ROPN1L: variants seen among roughly 807,000 people sequenced by gnomAD.
ROPN1L encodes rhophilin associated tail protein 1 like.
Under a neutral mutation model 22.7 loss-of-function variants are expected in ROPN1L, and 23 were observed. The observed-to-expected ratio is 1.01, with a 90% CI of 0.73 to 1.43. The LOEUF (loss-of-function observed/expected upper bound fraction) is 1.43, where lower values mean the gene tolerates loss of function less well. Among genes scored for constraint, ROPN1L ranks in the 40% most tolerant of loss-of-function variants. The pLI, the probability that ROPN1L is intolerant of heterozygous loss-of-function variation, is 0.00. For missense variants in ROPN1L, 271 were observed against 291.5 expected (o/e 0.93, Z 0.51); for synonymous variants, 116 against 117.8 (o/e 0.98, Z 0.10).
In ROPN1L at chr5:10,461,250, C is replaced by A; in HGVS notation, c.484C>A (p.Arg162Ser). The change falls in exon 4 of 5, where the codon CGC becomes AGC. Residue 162 changes from arginine (R) to serine (S), a missense_variant. By Grantham distance (110) the Arg-to-Ser change is moderately radical (BLOSUM62 -1). Transcript: ENST00000274134. Reference protein sequence around the residue: ...LTDDPEGGPARIPFKTFSYVY... With the variant: ...LTDDPEGGPASIPFKTFSYVY... ...GGACGATCCGGAGGGCGGGCCCGCT[C>A]GCATCCCCTTCAAGACGTTTTCCTA... 1 of 1,614,140 alleles carries A rather than the reference C, an allele frequency of 6.2e-7. No individual in the cohort carries two copies. The highest frequency in any genetic ancestry group is 8.5e-7 in the Non-Finnish European group (1 of 1,180,032).
At chr5:10,461,422 T>C in intron 4 of ROPN1L, 63 bp downstream of exon 4, 1 of 1,451,314 alleles carries the variant, frequency 6.9e-7, no homozygotes, top group Non-Finnish European at 9.6e-7. Flanking sequence ...CTGTTTCACT[T>C]CCCCCTTGTA....
intron 3 of ROPN1L, among the ~76,000 whole-genome samples, chr5:10,453,718 T>C (rs1463650203): frequency 1.3e-5 from 2 of 152,208 alleles, no homozygotes; most frequent in African/African-American, 2.4e-5. Context: ...TTATTTATCT[T>C]AGAAATCACT....
In ROPN1L at chr5:10,450,118, G is replaced by A. The variant is rs1741208479; in HGVS notation, c.417+5G>A. On this transcript the variant is annotated splice_donor_5th_base_variant and intron_variant, in intron 3 of 4. Transcript: ENST00000274134. ...GGATGCAGCATGCTTGGTGGGGTATGTACCTATAAACAGCATATTAATAAT... is the reference window on the plus strand; with the variant it reads ...GGATGCAGCATGCTTGGTGGGGTATATACCTATAAACAGCATATTAATAAT... The A allele has an allele frequency of 6.2e-7, 1 of 1,605,294 alleles. No individual in the cohort carries two copies. The highest frequency in any genetic ancestry group is 1.1e-5 in the South Asian group (1 of 89,760).
intron 4 of ROPN1L, among the ~76,000 whole-genome samples, chr5:10,461,711 G>C (rs116025693): frequency 6.6e-6 from 1 of 152,308 alleles, no homozygotes; most frequent in African/African-American, 2.4e-5. Flanking sequence ...GCTTCTGACC[G>C]ACTGGCTCTA....
Position 10,464,916 on chromosome 5 carries a change from G to A in ROPN1L, c.662G>A (p.Ser221Asn), listed in dbSNP as rs1219713472. ...TTTCCAAAGAGGAAACTTTTAGAAA[G>A]CATTGAAAACTCTGAAGATGTAGGC... ...FFFPKRKLLE[S>N]IENSEDVGH The change falls in exon 5 of 5, where the codon AGC becomes AAC. Residue 221 changes from serine (S) to asparagine (N), a missense_variant. By Grantham distance (46) the Ser-to-Asn change is conservative. Transcript: ENST00000274134. The A allele has an allele frequency of 6.2e-7, 1 of 1,606,176 alleles. No individual in the cohort carries two copies. The highest frequency in any genetic ancestry group is 8.5e-7 in the Non-Finnish European group (1 of 1,176,308).
At chr5:10,456,775 G>T (rs1397897442) in intron 3 of ROPN1L, among the ~76,000 whole-genome samples, 1 of 152,174 alleles carries the variant, frequency 6.6e-6, no homozygotes, top group African/African-American at 2.4e-5. Flanking sequence ...ACGTTGACAT[G>T]GGTAGTGTCA....
chr5:10,474,368 G>A (rs1171470382), downstream of ROPN1L, among the ~76,000 whole-genome samples: 4 of 152,118 alleles, frequency 2.6e-5, no homozygotes, highest in Non-Finnish European at 4.4e-5. Context: ...CTCGATTGTG[G>A]TCTGTGACAT....
downstream of ROPN1L, among the ~76,000 whole-genome samples, chr5:10,476,503 A>G (rs1264208000): frequency 1.3e-5 from 2 of 152,204 alleles, no homozygotes; most frequent in Non-Finnish European, 2.9e-5. Flanking sequence ...TCTCCAATAT[A>G]ACAAATTACA....
At chr5:10,453,402 C>A (rs1344059634) in intron 3 of ROPN1L, among the ~76,000 whole-genome samples, 1 of 151,982 alleles carries the variant, frequency 6.6e-6, no homozygotes, top group Non-Finnish European at 1.5e-5. Flanking sequence ...CCTTGTTGGC[C>A]CTGGGTGGCT....
At chr5:10,469,401 A>G (rs1003889880), downstream of ROPN1L, among the ~76,000 whole-genome samples, 9 of 151,048 alleles carry the variant, frequency 6.0e-5, no homozygotes, top group African/African-American at 2.2e-4. Flanking sequence ...GTGGGAGGAT[A>G]GCTTGAGCCC....
At chr5:10,454,499 T>G (rs929254596) in intron 3 of ROPN1L, among the ~76,000 whole-genome samples, 2 of 152,224 alleles carry the variant, frequency 1.3e-5, no homozygotes, top group African/African-American at 4.8e-5. Flanking sequence ...TGTTTTGTTT[T>G]GTCTTTTAAG....
intron 4 of ROPN1L, 117 bp downstream of exon 4, chr5:10,461,476 A>C: frequency 3.5e-6 from 3 of 864,512 alleles, no homozygotes; most frequent in Non-Finnish European, 5.5e-6. Flanking sequence ...CACAACAATA[A>C]TCAACACAGA....
At chr5:10,464,806 T>A in intron 4 of ROPN1L, 42 bp from the exon 5 acceptor site, 1 of 1,214,516 alleles carries the variant, frequency 8.2e-7, no homozygotes, top group Non-Finnish European at 1.2e-6. Context: ...AAGTATATGA[T>A]GAGAAATTAC....
downstream of ROPN1L, among the ~76,000 whole-genome samples, chr5:10,468,376 C>T (rs1030453202): frequency 3.3e-5 from 5 of 152,252 alleles, no homozygotes; most frequent in Admixed American, 2.0e-4. Flanking sequence ...ATTCCTAATC[C>T]CAGAATACTC....
At chr5:10,465,473 CCACTG>C (rs1735137259), downstream of ROPN1L, among the ~76,000 whole-genome samples, 1 of 151,512 alleles carries the variant, frequency 6.6e-6, no homozygotes, top group Non-Finnish European at 1.5e-5. Flanking sequence ...CGAGATCGCG[CCACTG>C]CACTCCAGCC....
rs1735026618 is a variant in ROPN1L, at chr5:10,461,369, C to T, written c.593+10C>T. 1 of 1,609,248 alleles carries T rather than the reference C, an allele frequency of 6.2e-7. No individual in the cohort carries two copies. On this transcript the variant is annotated intron_variant, in intron 4 of 4. Coordinates refer to ENST00000274134, the MANE Select transcript of ROPN1L (RefSeq NM_031916.5). ...CTCTAAAGGAAAATATGTAAGTATGCACCCTCTCTAGGATTCAGGTATGTT... is the reference window on the plus strand; with the variant it reads ...CTCTAAAGGAAAATATGTAAGTATGTACCCTCTCTAGGATTCAGGTATGTT...
downstream of ROPN1L, among the ~76,000 whole-genome samples, chr5:10,469,320 TAAAA>T (rs35356895): frequency 1.4e-5 from 2 of 139,536 alleles, no homozygotes; most frequent in Non-Finnish European, 1.5e-5. Context: ...ACAAAAAAAT[TAAAA>T]AAAAAAAAAA....
At chr5:10,463,937 C>T (rs2673894) in intron 4 of ROPN1L, among the ~76,000 whole-genome samples, 29,293 of 152,084 alleles carry the variant, frequency 0.19, 4,003 homozygotes, top group East Asian at 0.66. Flanking sequence ...CACCCAGAGT[C>T]TTGTCCCCTC....
chr5:10,450,563 A>G (rs1181694584), intron 3 of ROPN1L, among the ~76,000 whole-genome samples: 2 of 152,104 alleles, frequency 1.3e-5, no homozygotes, highest in Non-Finnish European at 2.9e-5. Context: ...CAATGGCGCA[A>G]TCTCGGCTCA....
Sources: allele counts gnomAD v4.1 joint callset (sites outside exome capture counted in the v4.1 genomes callset), GRCh38; gene constraint gnomAD v4.1.1; transcripts MANE v1.5; gene names NCBI Gene and HGNC (gene_info 2026-07-23, HGNC 2026-07-21).